Variants in SHB observed in about 807,000 individuals in gnomAD.
The protein encoded by SHB is SH2 domain containing adaptor protein B, also known as SH2 domain-containing adapter protein B.
In SHB, 20 loss-of-function variants were observed where a neutral mutation model predicts 52.3. The ratio of observed to expected loss-of-function variants is 0.38; its 90% CI spans 0.27 to 0.56. SHB has a LOEUF of 0.56. Ranked by LOEUF, SHB falls within the 20% of genes least tolerant of loss-of-function variation. SHB has a pLI of 0.71. For missense variants in SHB, 825 were observed against 723.3 expected (o/e 1.14, Z -1.61); for synonymous variants, 397 against 316.5 (o/e 1.25, Z -2.70).
At chr9:37,928,828 GT>G (rs1657548315) in intron 5 of SHB, among the ~76,000 whole-genome samples, 1 of 152,254 alleles carries the variant, frequency 6.6e-6, no homozygotes, top group South Asian at 2.1e-4. Flanking sequence ...GCTCCAGGCT[GT>G]TTCCAAGGAC....
intron 5 of SHB, among the ~76,000 whole-genome samples, chr9:37,945,116 C>G (rs2117880657): frequency 6.6e-6 from 1 of 152,302 alleles, no homozygotes; most frequent in East Asian, 1.9e-4. Flanking sequence ...TTTCTTCATC[C>G]TAGAACACCC....
At chr9:38,049,322 G>C (rs992173558) in intron 1 of SHB, among the ~76,000 whole-genome samples, 9 of 152,024 alleles carry the variant, frequency 5.9e-5, no homozygotes, top group African/African-American at 1.9e-4. Context: ...ACTGAAAACA[G>C]GCTCAGATGG....
chr9:37,924,541 G>A (rs894689962), intron 5 of SHB, among the ~76,000 whole-genome samples: 1 of 152,206 alleles, frequency 6.6e-6, no homozygotes, highest in African/African-American at 2.4e-5. Flanking sequence ...CAGGACTCCA[G>A]ACACAGAGGG....
At chr9:37,939,351 C>T (rs1001881939) in intron 5 of SHB, among the ~76,000 whole-genome samples, 17 of 152,222 alleles carry the variant, frequency 1.1e-4, no homozygotes, top group African/African-American at 3.6e-4. Context: ...CCCTCCCTGA[C>T]AACACGGCCT....
intron 2 of SHB, among the ~76,000 whole-genome samples, chr9:37,988,875 G>A (rs959993431): frequency 1.3e-5 from 2 of 152,180 alleles, no homozygotes; most frequent in Admixed American, 1.3e-4. Flanking sequence ...TTGAGCTGGG[G>A]CATTAGCCTT....
Position 37,920,326 on chromosome 9 carries a change from AAAACAAAACT to A in SHB, c.1347-332_1347-323del, listed in dbSNP as rs1330015509. On this transcript the variant is annotated intron_variant, in intron 5 of 5. Coordinates refer to ENST00000377707, the MANE Select transcript of SHB (RefSeq NM_003028.3). ...AAAACAAAACAAAACAAAACAAAAC[AAAACAAAACT>A]TAGTCCCTCTTTTCTATTACCAGTG... Among the ~76,000 whole-genome samples the A allele has an allele frequency of 3.2e-3, 414 of 131,168 alleles. 2 individuals carry two copies. The highest frequency in any genetic ancestry group is 0.011 in the African/African-American group (394 of 34,396). The allele number at this position is 131,168 out of a possible 152,430, so 86.1% of individuals were successfully genotyped here.
At chr9:38,063,814 T>TAA (rs1491469779) in intron 1 of SHB, among the ~76,000 whole-genome samples, 4 of 146,586 alleles carry the variant, frequency 2.7e-5, no homozygotes, top group Non-Finnish European at 4.5e-5. Context: ...TTTTTTTTTT[T>TAA]AAAGTTAGAC....
chr9:37,916,803 T>C lies in SHB; in HGVS notation c.*3018A>G, dbSNP rs970592192. ...TTTCTTTCTGTGGGCGCCATCCTGT[T>C]TGGGGGGCTGCCAGAAGGGCCCTTG... On this transcript the variant is annotated 3_prime_UTR_variant, in exon 6 of 6. Transcript: ENST00000377707. 6.6e-6 allele frequency among the ~76,000 whole-genome samples: 1 copy of C among 152,050 alleles called. No homozygotes were observed. The highest frequency in any genetic ancestry group is 6.5e-5 in the Admixed American group (1 of 15,280).
In SHB at chr9:38,015,991, T is replaced by G; in HGVS notation, c.838+20A>C. ...CCCTACAACCCCAGCTGTGAGCCCC[T>G]GCGCTTCAGCTCCACTTACCTGTCA... is the stretch of plus-strand genomic sequence containing the variant. On this transcript the variant is annotated intron_variant, in intron 2 of 5. Coordinates refer to ENST00000377707, the MANE Select transcript of SHB (RefSeq NM_003028.3). The G allele has an allele frequency of 6.2e-7, 1 of 1,613,316 alleles. No individual in the cohort carries two copies. The highest frequency in any genetic ancestry group is 8.5e-7 in the Non-Finnish European group (1 of 1,179,486).
At chr9:37,962,676 T>TA (rs1333543144) in intron 3 of SHB, among the ~76,000 whole-genome samples, 6 of 150,246 alleles carry the variant, frequency 4.0e-5, no homozygotes. Flanking sequence ...TGGGCTAAGT[T>TA]TTTTTTTTTT....
intron 2 of SHB, among the ~76,000 whole-genome samples, chr9:38,007,020 G>T (rs1821083273): frequency 6.6e-6 from 1 of 152,138 alleles, no homozygotes; most frequent in Non-Finnish European, 1.5e-5. Flanking sequence ...GGGAATCATG[G>T]GTAGGCTACT....
At chr9:38,032,027 CA>C (rs1806126958) in intron 1 of SHB, among the ~76,000 whole-genome samples, 1 of 152,132 alleles carries the variant, frequency 6.6e-6, no homozygotes, top group Non-Finnish European at 1.5e-5. Context: ...GGGCAGGACT[CA>C]TGGGGGCTGA....
chr9:37,919,735 G>C lies in SHB; in HGVS notation c.*86C>G, dbSNP rs943637741. The C allele has an allele frequency of 3.0e-5, 31 of 1,048,330 alleles. No individual in the cohort carries two copies. The highest frequency in any genetic ancestry group is 4.1e-5 in the Non-Finnish European group (28 of 685,292). 64.9% of individuals were successfully genotyped at this position (1,048,330 alleles called of 1,614,324 possible). On this transcript the variant is annotated 3_prime_UTR_variant, in exon 6 of 6. Coordinates refer to ENST00000377707, the MANE Select transcript of SHB (RefSeq NM_003028.3). ...ACACACAACACAAACGACACAGCCA[G>C]CAACAGTGGCTGGGCTGGTTGGTGG...
At chr9:38,022,415 T>C (rs1451912606) in intron 1 of SHB, among the ~76,000 whole-genome samples, 2 of 152,246 alleles carry the variant, frequency 1.3e-5, no homozygotes, top group Admixed American at 6.5e-5. Context: ...AGGCCTGTCA[T>C]TGACTGTGAG....
At chr9:38,066,603 G>C (rs542888918) in intron 1 of SHB, among the ~76,000 whole-genome samples, 5 of 152,186 alleles carry the variant, frequency 3.3e-5, no homozygotes, top group African/African-American at 9.7e-5. Flanking sequence ...CCAAGCTTCC[G>C]AGGGGTGCCC....
intron 5 of SHB, among the ~76,000 whole-genome samples, chr9:37,920,231 C>T (rs2118449248): frequency 6.6e-6 from 1 of 152,126 alleles, no homozygotes; most frequent in East Asian, 1.9e-4. Flanking sequence ...GCCACTGCTA[C>T]AAGAGAGCAT....
intron 3 of SHB, among the ~76,000 whole-genome samples, chr9:37,966,830 T>C (rs914037353): frequency 6.6e-6 from 1 of 152,072 alleles, no homozygotes; most frequent in African/African-American, 2.4e-5. Context: ...GTCACATAGC[T>C]TGGTGGGAAT....
intron 1 of SHB, among the ~76,000 whole-genome samples, chr9:38,061,826 C>T (rs1821897032): frequency 6.6e-6 from 1 of 152,192 alleles, no homozygotes; most frequent in Non-Finnish European, 1.5e-5. Context: ...CCGGCAAATC[C>T]TTGAAGGGAA....
chr9:38,015,775 G>GT (rs1425949185), intron 2 of SHB, among the ~76,000 whole-genome samples: 1 of 152,174 alleles, frequency 6.6e-6, no homozygotes, highest in Non-Finnish European at 1.5e-5. Context: ...TTAACTGCAC[G>GT]TGATATCCTT....
Sources: gnomAD v4.1 joint callset for allele counts (sites outside exome capture counted in the v4.1 genomes callset) on GRCh38, gnomAD v4.1.1 for gene constraint, MANE v1.5 for transcripts, NCBI Gene and HGNC (gene_info 2026-07-23, HGNC 2026-07-21) for gene names.